The following CD8B variants were observed in gnomAD, a reference collection of about 807,000 sequenced individuals.
The protein encoded by CD8B is CD8 subunit beta.
CD8B carries 6 observed loss-of-function variants against 24.2 expected under a neutral mutation model. The ratio of observed to expected loss-of-function variants is 0.25; its 90% CI spans 0.14 to 0.49. The LOEUF is 0.49. CD8B is among the 20% of genes least tolerant of loss of function. The probability of loss-of-function intolerance (pLI) is 0.98; values close to 1 mark genes in which losing one functional copy is unlikely to be tolerated. For missense variants in CD8B, 196 were observed against 271.3 expected (o/e 0.72, Z 1.95); for synonymous variants, 84 against 108.3 (o/e 0.78, Z 1.39).
At chr2:86,861,792 C>A (rs1194290324) in intron 1 of CD8B, 31 bp downstream of exon 1, 5 of 1,270,760 alleles carry the variant, frequency 3.9e-6, no homozygotes, top group East Asian at 6.3e-5. Context: ...GGAGCGCAGA[C>A]CCTTGGGTAG....
At chr2:86,857,203 G>A (rs1676309850) in intron 2 of CD8B, among the ~76,000 whole-genome samples, 1 of 152,078 alleles carries the variant, frequency 6.6e-6, no homozygotes, top group Non-Finnish European at 1.5e-5. Context: ...TTCGACTCAG[G>A]TATGAATTCG....
chr2:86,821,899 C>T (rs1176108979), intron 5 of CD8B, among the ~76,000 whole-genome samples: 3 of 152,176 alleles, frequency 2.0e-5, no homozygotes, highest in Non-Finnish European at 4.4e-5. Flanking sequence ...TCTTTCTTTG[C>T]CTTTTCGAGG....
intron 2 of CD8B, among the ~76,000 whole-genome samples, chr2:86,855,144 T>TA (rs1362374838): frequency 2.6e-5 from 4 of 151,146 alleles, no homozygotes; most frequent in Non-Finnish European, 5.9e-5. Context: ...TGGGGGGTTG[T>TA]AAGGGGGAAC....
At chr2:86,831,515 T>G (rs983268430) in intron 5 of CD8B, among the ~76,000 whole-genome samples, 2 of 152,252 alleles carry the variant, frequency 1.3e-5, no homozygotes, top group African/African-American at 4.8e-5. Flanking sequence ...GATAATCCCA[T>G]GAGGAGAGAG....
intron 5 of CD8B, among the ~76,000 whole-genome samples, chr2:86,825,824 T>C (rs984621940): frequency 1.3e-5 from 2 of 152,160 alleles, no homozygotes; most frequent in Non-Finnish European, 1.5e-5. Flanking sequence ...CCTCACCTCC[T>C]GCCCGCCACT....
At chr2:86,835,215 T>C (rs1210635324), downstream of CD8B, among the ~76,000 whole-genome samples, 1 of 152,072 alleles carries the variant, frequency 6.6e-6, no homozygotes, top group African/African-American at 2.4e-5. Flanking sequence ...CACCACAAGA[T>C]AGACCACCCA....
intron 5 of CD8B, among the ~76,000 whole-genome samples, chr2:86,819,007 C>T (rs901307284): frequency 3.3e-5 from 5 of 152,144 alleles, no homozygotes; most frequent in Non-Finnish European, 5.9e-5. Context: ...CTGGGTAAAT[C>T]GGAACAGCCA....
At chr2:86,855,990 G>A (rs1199130054) in intron 2 of CD8B, among the ~76,000 whole-genome samples, 1 of 152,158 alleles carries the variant, frequency 6.6e-6, no homozygotes, top group Non-Finnish European at 1.5e-5. Context: ...ATAAAACTTC[G>A]AGCCCATGAT....
intron 3 of CD8B, among the ~76,000 whole-genome samples, chr2:86,848,675 A>G (rs1675808598): frequency 8.1e-6 from 1 of 123,652 alleles, no homozygotes; most frequent in Non-Finnish European, 1.7e-5. Flanking sequence ...CCATCTTGTG[A>G]GGAAGAAAGG....
chr2:86,821,764 G>A (rs896509088), intron 5 of CD8B: 2 of 427,212 alleles, frequency 4.7e-6, no homozygotes, highest in South Asian at 3.3e-5. Flanking sequence ...AAAGAGCCCC[G>A]CTGCAGCAGG....
chr2:86,851,394 C>T (rs369131175), intron 3 of CD8B, among the ~76,000 whole-genome samples: 67 of 152,278 alleles, frequency 4.4e-4, no homozygotes, highest in African/African-American at 1.6e-3. Flanking sequence ...GCGCCCTCAT[C>T]TTAGTGGCTC....
chr2:86,840,743 A>G lies in CD8B; in HGVS notation c.*1564T>C, dbSNP rs1214518767. Among the ~76,000 whole-genome samples the G allele has an allele frequency of 1.3e-5, 2 of 152,044 alleles. No homozygotes were observed. Among genetic ancestry groups the G allele is most frequent in the Non-Finnish European group, 2.9e-5 (2 of 68,006 alleles). On this transcript the variant is annotated 3_prime_UTR_variant, in exon 6 of 6. Coordinates refer to ENST00000390655, the MANE Select transcript of CD8B (RefSeq NM_004931.5). ...TGTTCAGTTCTTTGTTCAAAATGCCAAGGACCTGGACAACTTACACTCAAG... is the reference window on the plus strand; with the variant it reads ...TGTTCAGTTCTTTGTTCAAAATGCCGAGGACCTGGACAACTTACACTCAAG...
At position 86,859,585 on chromosome 2, in the gene CD8B, G is replaced by T. The variant is rs138480839; in HGVS notation, c.44-1169C>A. On this transcript the variant is annotated intron_variant, in intron 1 of 5. Transcript: ENST00000390655. ...ACTGTCCCTGTGTCTCATATCACAGGGTTGTTACTGGAGGTAAATTAAATC... is the reference window on the plus strand; with the variant it reads ...ACTGTCCCTGTGTCTCATATCACAGTGTTGTTACTGGAGGTAAATTAAATC... Among the ~76,000 whole-genome samples, 1,445 of 152,290 alleles carry T rather than the reference G, an allele frequency of 9.5e-3. 98 individuals are homozygous for T. The East Asian group carries it at 0.19, about 20-fold the overall frequency.
intron 3 of CD8B, among the ~76,000 whole-genome samples, chr2:86,847,589 A>G (rs1460893147): frequency 6.6e-6 from 1 of 152,172 alleles, no homozygotes; most frequent in East Asian, 1.9e-4. Flanking sequence ...TCTGTCACAC[A>G]CAGTCTCGCT....
intron 5 of CD8B, among the ~76,000 whole-genome samples, chr2:86,828,774 C>G (rs1424886975): frequency 6.6e-6 from 1 of 152,182 alleles, no homozygotes; most frequent in African/African-American, 2.4e-5. Flanking sequence ...TCCAAAGATG[C>G]AACCAGCAAC....
At chr2:86,826,798 C>T (rs555703184) in intron 5 of CD8B, among the ~76,000 whole-genome samples, 2 of 151,092 alleles carry the variant, frequency 1.3e-5, no homozygotes, top group Admixed American at 1.3e-4. Flanking sequence ...GTGGTTCACA[C>T]ATGTAGACAT....
In CD8B at chr2:86,841,083, C is replaced by T. The variant is rs1675401519; in HGVS notation, c.*1224G>A. Among the ~76,000 whole-genome samples the T allele has an allele frequency of 6.6e-6, 1 of 150,666 alleles. No individual in the cohort carries two copies. The highest frequency in any genetic ancestry group is 2.1e-4 in the South Asian group (1 of 4,746). ...GCAGTGTTTTATGGTGCAATAGCTC[C>T]TAGGCTGCTAAAGCTCAGGTAGGGG... On this transcript the variant is annotated 3_prime_UTR_variant, in exon 6 of 6. Coordinates refer to ENST00000390655, the MANE Select transcript of CD8B (RefSeq NM_004931.5).
intron 2 of CD8B, among the ~76,000 whole-genome samples, chr2:86,856,294 C>T (rs1676247935): frequency 6.6e-6 from 1 of 152,086 alleles, no homozygotes; most frequent in Non-Finnish European, 1.5e-5. Flanking sequence ...TTTATTGTAC[C>T]CTCCACCTTC....
intron 3 of CD8B, among the ~76,000 whole-genome samples, chr2:86,851,275 G>T (rs530825219): frequency 6.6e-6 from 1 of 152,166 alleles, no homozygotes; most frequent in Admixed American, 6.6e-5. Flanking sequence ...TTGGTGGCAG[G>T]TTGTTTCTTT....
Sources: allele counts gnomAD v4.1 joint callset (sites outside exome capture counted in the v4.1 genomes callset), GRCh38; gene constraint gnomAD v4.1.1; transcripts MANE v1.5; gene names NCBI Gene and HGNC (gene_info 2026-07-23, HGNC 2026-07-21).